The following FREM1 variants were observed in gnomAD, a reference collection of about 807,000 sequenced individuals.
FREM1 encodes the protein FRAS1 related extracellular matrix 1.
FREM1 carries 220 observed loss-of-function variants against 210.1 expected under a neutral mutation model. The ratio of observed to expected loss-of-function variants is 1.05; its 90% confidence interval spans 0.94 to 1.17. FREM1 has a LOEUF of 1.17. Among genes scored for constraint, FREM1 ranks in the 50% most tolerant of loss-of-function variants. FREM1 has a pLI of 0.00. For missense variants in FREM1, 3,454 were observed against 2,675.5 expected, an observed-to-expected ratio of 1.29 and a Z score of -6.42; for synonymous variants, 1,189 against 980.2, an observed-to-expected ratio of 1.21 and a Z score of -3.98.
At chr9:14,893,725 G>GT (rs1183885512) in intron 1 of FREM1, among the ~76,000 whole-genome samples, 1 of 152,116 alleles carries the variant, frequency 6.6e-6, no homozygotes, top group Non-Finnish European at 1.5e-5. Flanking sequence ...ATGTGTTTTT[G>GT]GTAAAAGACT....
intron 1 of FREM1, among the ~76,000 whole-genome samples, chr9:14,889,846 G>A (rs965833233): frequency 2.0e-5 from 3 of 152,154 alleles, no homozygotes; most frequent in Non-Finnish European, 4.4e-5. Flanking sequence ...TGACGTGGGA[G>A]CCTTCATTAA....
At chr9:14,845,197 C>A (rs1188813179) in intron 8 of FREM1, among the ~76,000 whole-genome samples, 2 of 152,172 alleles carry the variant, frequency 1.3e-5, no homozygotes, top group East Asian at 1.9e-4. Context: ...ACCTTGTTAA[C>A]TATCATCCCA....
At chr9:14,859,877 A>G (rs1829489403) in intron 3 of FREM1, among the ~76,000 whole-genome samples, 1 of 152,162 alleles carries the variant, frequency 6.6e-6, no homozygotes, top group Non-Finnish European at 1.5e-5. Flanking sequence ...TGAAGCATTC[A>G]GGCCTTTTTG....
chr9:14,769,964 T>G (rs966390121), intron 26 of FREM1, 96 bp from the exon 27 acceptor site: 2 of 596,534 alleles, frequency 3.4e-6, no homozygotes, highest in African/African-American at 3.9e-5. Context: ...AAACACAGCT[T>G]TAAAAAACAG....
chr9:14,808,878 G>A (rs775122218), intron 16 of FREM1, among the ~76,000 whole-genome samples: 34 of 152,322 alleles, frequency 2.2e-4, no homozygotes, highest in Admixed American at 4.6e-4. Context: ...CACTAAGAGC[G>A]TGGAGTAAGA....
intron 15 of FREM1, among the ~76,000 whole-genome samples, chr9:14,814,834 G>C (rs1820018247): frequency 6.6e-6 from 1 of 152,120 alleles, no homozygotes; most frequent in Non-Finnish European, 1.5e-5. Context: ...CTGTGCCTCT[G>C]TTTGGCTTTT....
chr9:14,819,319 G>A lies in FREM1; in HGVS notation c.2461C>T (p.Leu821=). ...NIDLSLRELP[L]HGRVELNGFP... is the part of the protein sequence containing the mutation. ...CCATTCAGCTCCACCCTTCCGTGCA[G>A]AGGCAATTCCCGCAGGGAGAGGTCA... The change falls in exon 14 of 37, where the codon CTG becomes TTG. Residue 821 remains leucine (L), a synonymous_variant. Coordinates refer to ENST00000380880, the MANE Select transcript of FREM1 (RefSeq NM_001379081.2). 5 of 1,613,968 alleles carry A rather than the reference G, an allele frequency of 3.1e-6. No individual in the cohort carries two copies. The highest frequency in any genetic ancestry group is 1.7e-5 in the Admixed American group (1 of 60,002).
At chr9:14,791,202 G>A (rs1162906748) in intron 22 of FREM1, 1 of 152,134 alleles carries the variant, frequency 6.6e-6, no homozygotes, top group African/African-American at 2.4e-5. Context: ...ACGTTGGGCT[G>A]ATCCTTGGGC....
intron 1 of FREM1, among the ~76,000 whole-genome samples, chr9:14,888,828 T>C (rs771193086): frequency 6.6e-6 from 1 of 152,224 alleles, no homozygotes; most frequent in Non-Finnish European, 1.5e-5. Flanking sequence ...CATTTATCAA[T>C]GTATTTGCTT....
chr9:14,845,465 C>G (rs984304754), intron 8 of FREM1, among the ~76,000 whole-genome samples: 2 of 152,026 alleles, frequency 1.3e-5, no homozygotes, highest in Non-Finnish European at 2.9e-5. Flanking sequence ...CCACCATGCC[C>G]GGCTAATTTT....
At position 14,844,932 on chromosome 9, in the gene FREM1, G is replaced by A. The variant is rs3850441; in HGVS notation, c.1393+1028C>T. 2.6e-5 allele frequency among the ~76,000 whole-genome samples: 4 copies of A among 152,258 alleles called. No individual in the cohort carries two copies. The South Asian group carries it at 6.2e-4, about 24-fold the overall frequency. ...ACTTGGATTTCTCTTACATACAAGCGAACACCCAACCTGACTGGTATACCC... is the reference window on the plus strand; with the variant it reads ...ACTTGGATTTCTCTTACATACAAGCAAACACCCAACCTGACTGGTATACCC... On this transcript the variant is annotated intron_variant, in intron 8 of 36. Transcript: ENST00000380880.
chr9:14,859,959 G>A (rs1829504462), intron 3 of FREM1, among the ~76,000 whole-genome samples: 2 of 152,292 alleles, frequency 1.3e-5, no homozygotes, highest in African/African-American at 2.4e-5. Flanking sequence ...TGCTTGGCAT[G>A]TAAAAAGCAT....
chr9:14,866,831 C>T (rs1334986328), intron 2 of FREM1, among the ~76,000 whole-genome samples: 1 of 151,930 alleles, frequency 6.6e-6, no homozygotes, highest in African/African-American at 2.4e-5. Context: ...TCCTATTTTA[C>T]CCTCTCTCAA....
At chr9:14,762,982 G>C (rs1432331113) in intron 27 of FREM1, among the ~76,000 whole-genome samples, 1 of 152,138 alleles carries the variant, frequency 6.6e-6, no homozygotes, top group Non-Finnish European at 1.5e-5. Context: ...TAGATGTGTA[G>C]GTGTCATGTA....
intron 2 of FREM1, 103 bp downstream of exon 2, chr9:14,868,641 G>T (rs1055112419): frequency 4.1e-6 from 3 of 740,090 alleles, no homozygotes; most frequent in Non-Finnish European, 4.7e-6. Flanking sequence ...GTCTTTGATG[G>T]CTTGAGGGGA....
chr9:14,801,955 C>T (rs939121790), intron 19 of FREM1, 81 bp from the exon 20 acceptor site: 5 of 990,094 alleles, frequency 5.1e-6, no homozygotes, highest in East Asian at 4.8e-5. Flanking sequence ...AAAGAAATCA[C>T]TTGAATATAT....
Position 14,747,028 on chromosome 9 carries a change from C to T in FREM1, c.6033G>A (p.Lys2011=), listed in dbSNP as rs377085995. ...PRQDQLPSFP[K]NCTLELKGLF... is the part of the protein sequence containing the mutation. ...GTCCCTTTAATTCCAGAGTGCAGTTCTTTGGAAATGAGGGCAACTGGTCCT... is the reference window on the plus strand; with the variant it reads ...GTCCCTTTAATTCCAGAGTGCAGTTTTTTGGAAATGAGGGCAACTGGTCCT... Residue 2011 remains lysine, a synonymous_variant, in exon 34 of 37, where the codon AAG becomes AAA. Transcript: ENST00000380880. 13 of 1,613,074 alleles carry T rather than the reference C, an allele frequency of 8.1e-6. No individual in the cohort carries two copies. The African/African-American group carries it at 1.7e-4, about 22-fold the overall frequency.
chr9:14,759,554 C>T (rs1410603720), intron 28 of FREM1, among the ~76,000 whole-genome samples: 1 of 25,668 alleles, frequency 3.9e-5, no homozygotes, highest in Non-Finnish European at 1.0e-4. Context: ...CTAGCTTCAG[C>T]AACACGTACA....
rs1207535317 is a variant in FREM1, at chr9:14,776,197, G to C, written c.4449C>G (p.Ile1483Met). Residue 1483 changes from isoleucine to methionine, a missense_variant, in exon 25 of 37, where the codon ATC becomes ATG. Coordinates refer to ENST00000380880, the MANE Select transcript of FREM1 (RefSeq NM_001379081.2). ...VTVSSDRFRF[I>M]ISNGLRTEHG... ...GCTCGGTCCGCAGTCCATTGCTGAT[G>C]ATGAATCTGGTAAAGAGAGGCAAGG... 1 of 1,518,618 alleles carries C rather than the reference G, an allele frequency of 6.6e-7. No homozygotes were observed. Among genetic ancestry groups the C allele is most frequent in the African/African-American group, 1.4e-5 (1 of 71,988 alleles). The allele number at this position is 1,518,618 out of a possible 1,614,324, so 94.1% of individuals were successfully genotyped here.
Sources: allele counts gnomAD v4.1 joint callset (sites outside exome capture counted in the v4.1 genomes callset), GRCh38; gene constraint gnomAD v4.1.1; transcripts MANE v1.5; gene names NCBI Gene and HGNC (gene_info 2026-07-23, HGNC 2026-07-21).